PCTP: variants seen among roughly 807,000 people sequenced by gnomAD.
The protein encoded by PCTP is START domain-containing protein 2.
In PCTP, 27 loss-of-function variants were observed where a neutral mutation model predicts 31.0. The observed-to-expected ratio is 0.87, with a 90% CI of 0.64 to 1.20. The LOEUF is 1.20. PCTP is among the 50% of genes most tolerant of loss of function. The pLI is 0.00. For synonymous variants in PCTP, 108 were observed against 101.2 expected (o/e 1.07, Z -0.40); for missense variants, 287 against 268.2 (o/e 1.07, Z -0.49).
At chr17:55,809,524 T>C (rs111834628) in intron 3 of PCTP, among the ~76,000 whole-genome samples, 11 of 90,568 alleles carry the variant, frequency 1.2e-4, no homozygotes, top group African/African-American at 5.4e-4. Context: ...TCTCAGAGTC[T>C]TTTTTTTTTT....
At chr17:55,834,378 G>T (rs920298026) in intron 5 of PCTP, among the ~76,000 whole-genome samples, 1 of 151,986 alleles carries the variant, frequency 6.6e-6, no homozygotes, top group African/African-American at 2.4e-5. Context: ...ACAGGCCTCA[G>T]TGTGTGTTGT....
chr17:55,839,165 AT>A (rs903511247), intron 5 of PCTP, among the ~76,000 whole-genome samples: 2 of 151,990 alleles, frequency 1.3e-5, no homozygotes, highest in Non-Finnish European at 2.9e-5. Context: ...GACTTAACAG[AT>A]TTTTTTTCAT....
intron 3 of PCTP, among the ~76,000 whole-genome samples, chr17:55,803,054 G>C (rs1044172605): frequency 3.3e-5 from 5 of 151,978 alleles, no homozygotes; most frequent in African/African-American, 1.2e-4. Context: ...AAGCATTCCT[G>C]TACAACAATA....
At chr17:55,767,519 CA>C in intron 2 of PCTP, 67 bp downstream of exon 2, 2 of 1,102,594 alleles carry the variant, frequency 1.8e-6, no homozygotes, top group Non-Finnish European at 2.7e-6. Context: ...GGGTGAAGTG[CA>C]AAGGTAGGAT....
intron 3 of PCTP, among the ~76,000 whole-genome samples, chr17:55,772,255 T>C (rs111325505): frequency 2.6e-5 from 4 of 151,712 alleles, no homozygotes; most frequent in African/African-American, 7.2e-5. Flanking sequence ...CAATAGACTG[T>C]CCAATGTGAG....
chr17:55,828,921 C>A (rs1034363964), intron 5 of PCTP, among the ~76,000 whole-genome samples: 1 of 152,146 alleles, frequency 6.6e-6, no homozygotes, highest in African/African-American at 2.4e-5. Context: ...GCTTCTTGCT[C>A]CTTTCCCTCA....
intron 4 of PCTP, 65 bp downstream of exon 4, chr17:55,773,960 G>C: frequency 6.7e-7 from 1 of 1,483,010 alleles, no homozygotes; most frequent in African/African-American, 1.4e-5. Flanking sequence ...CCAGGCTGAT[G>C]GGGGGACATG....
chr17:55,776,249 T>A lies in PCTP; in HGVS notation c.*149T>A. On this transcript the variant is annotated 3_prime_UTR_variant, in exon 6 of 6. Coordinates refer to ENST00000268896, the MANE Select transcript of PCTP (RefSeq NM_021213.4). ...GTTCAGCCTTCCCCTGCTGTTTCTG[T>A]CTTCAGAGGCCTACACACTACCACA... 6.9e-7 allele frequency: 1 copy of A among 1,451,428 alleles called. No individual in the cohort carries two copies. The highest frequency in any genetic ancestry group is 9.1e-7 in the Non-Finnish European group (1 of 1,103,486). 89.9% of individuals were successfully genotyped at this position (1,451,428 alleles called of 1,614,324 possible).
chr17:55,785,505 T>C (rs1911714727), intron 2 of PCTP, among the ~76,000 whole-genome samples: 1 of 152,244 alleles, frequency 6.6e-6, no homozygotes, highest in African/African-American at 2.4e-5. Flanking sequence ...AAGATCTATG[T>C]AGTGATAGAT....
intron 1 of PCTP, among the ~76,000 whole-genome samples, chr17:55,762,368 G>C (rs540282956): frequency 1.7e-4 from 26 of 152,158 alleles, no homozygotes; most frequent in African/African-American, 6.3e-4. Flanking sequence ...ATAGGTAAAC[G>C]GGGGCATCCG....
At chr17:55,751,291 G>C (rs1297851339) in intron 1 of PCTP, 47 bp downstream of exon 1, 1 of 1,519,502 alleles carries the variant, frequency 6.6e-7, no homozygotes, top group Non-Finnish European at 8.8e-7. Flanking sequence ...AATGCGCCGG[G>C]GTCGACCTCC....
chr17:55,848,801 G>T, the PCTP span, among the ~76,000 whole-genome samples: 2 of 152,156 alleles, frequency 1.3e-5, no homozygotes, highest in Admixed American at 1.3e-4. Context: ...GTTGGGAATT[G>T]TGCTAACCAG....
At chr17:55,774,650 A>G (rs1164334793) in intron 4 of PCTP, 142 bp from the exon 5 acceptor site, 1 of 659,034 alleles carries the variant, frequency 1.5e-6, no homozygotes, top group Non-Finnish European at 2.7e-6. Context: ...CAGTCAATGG[A>G]GAGAAGTCCA....
downstream of PCTP, among the ~76,000 whole-genome samples, chr17:55,826,129 T>C (rs1300654492): frequency 6.6e-6 from 1 of 152,238 alleles, no homozygotes; most frequent in Admixed American, 6.5e-5. Flanking sequence ...TCTCATCATC[T>C]GAGGAGTTTT....
intron 3 of PCTP, among the ~76,000 whole-genome samples, chr17:55,792,421 G>A (rs927489906): frequency 2.0e-5 from 3 of 151,740 alleles, no homozygotes; most frequent in South Asian, 2.1e-4. Context: ...TTAAAAGTAA[G>A]AAGGATTCAC....
chr17:55,760,484 G>T (rs1190840084), intron 1 of PCTP, among the ~76,000 whole-genome samples: 1 of 152,096 alleles, frequency 6.6e-6, no homozygotes, highest in Non-Finnish European at 1.5e-5. Context: ...CATTTTGCAG[G>T]TTAGTAGTGG....
Position 55,763,128 on chromosome 17 carries a change from CA to C in PCTP, c.142-4204del, listed in dbSNP as rs766778005. ...GTAAGCTTCTTTGGAGTCATTTATT[CA>C]AATGTTAGTAAGCTTGGAAAAATAA... On this transcript the variant is annotated intron_variant, in intron 1 of 5. Coordinates refer to ENST00000268896, the MANE Select transcript of PCTP (RefSeq NM_021213.4). Among the ~76,000 whole-genome samples the C allele has an allele frequency of 2.4e-4, 36 of 152,164 alleles. No individual in the cohort carries two copies. In the Middle Eastern group the frequency reaches 0.017, roughly 72 times the overall value.
intron 5 of PCTP, among the ~76,000 whole-genome samples, chr17:55,841,122 A>G (rs751831929): frequency 7.9e-5 from 12 of 152,230 alleles, no homozygotes; most frequent in Admixed American, 7.9e-4. Context: ...ACAGAAAAAG[A>G]TAAAGAGACA....
At chr17:55,845,908 GTGTGTGTGTGTGTGTGTGTA>G (rs1221639298), downstream of PCTP, among the ~76,000 whole-genome samples, 45 of 151,772 alleles carry the variant, frequency 3.0e-4, no homozygotes, top group African/African-American at 1.0e-3. Context: ...GTGTGTGTGT[GTGTGTGTGTGTGTGTGTGTA>G]TGTGTGTGTG....
Sources: gnomAD v4.1 joint callset for allele counts (sites outside exome capture counted in the v4.1 genomes callset) on GRCh38, gnomAD v4.1.1 for gene constraint, MANE v1.5 for transcripts, NCBI Gene and HGNC (gene_info 2026-07-23, HGNC 2026-07-21) for gene names.